Variants in PCDHGA1 observed in about 807,000 individuals in gnomAD.
PCDHGA1 encodes the protein protocadherin gamma subfamily A, 1.
In PCDHGA1, 32 loss-of-function variants were observed where a neutral mutation model predicts 58.0. The ratio of observed to expected loss-of-function variants is 0.55; its 90% confidence interval spans 0.42 to 0.74. The LOEUF (loss-of-function observed/expected upper bound fraction) is 0.74. Ranked by LOEUF, PCDHGA1 falls within the 30% of genes least tolerant of loss-of-function variation. The pLI is 0.00. For missense variants in PCDHGA1, 1,205 were observed against 1,182.3 expected, an observed-to-expected ratio of 1.02 and a Z score of -0.28; for synonymous variants, 498 against 501.1, an observed-to-expected ratio of 0.99 and a Z score of 0.08.
chr5:141,430,245 G>C (rs1000418420), intron 1 of PCDHGA1, among the ~76,000 whole-genome samples: 1 of 104,402 alleles, frequency 9.6e-6, no homozygotes, highest in African/African-American at 6.4e-5. Flanking sequence ...GAAACTCCTA[G>C]GGAGACATCT....
chr5:141,377,114 GA>G (rs1209005663), intron 1 of PCDHGA1: 4 of 152,232 alleles, frequency 2.6e-5, no homozygotes, highest in African/African-American at 9.7e-5. Flanking sequence ...AGAATGTTCT[GA>G]AGTCTTAATT....
At chr5:141,495,771 C>T (rs941051365) in intron 2 of PCDHGA1, among the ~76,000 whole-genome samples, 1 of 152,110 alleles carries the variant, frequency 6.6e-6, no homozygotes, top group Non-Finnish European at 1.5e-5. Flanking sequence ...TGTCCTTGTC[C>T]TGGACCTCTT....
chr5:141,473,476 A>G (rs1300050332), intron 1 of PCDHGA1, among the ~76,000 whole-genome samples: 15 of 151,558 alleles, frequency 9.9e-5, no homozygotes, highest in Admixed American at 9.2e-4. Context: ...GCCAAGTTCA[A>G]TGGAAAAAAT....
chr5:141,504,434 A>C (rs2099838201), intron 2 of PCDHGA1, among the ~76,000 whole-genome samples: 1 of 152,234 alleles, frequency 6.6e-6, no homozygotes, highest in South Asian at 2.1e-4. Flanking sequence ...CAACAGCTGC[A>C]GTGTGACTAG....
At position 141,356,943 on chromosome 5, in the gene PCDHGA1, C is replaced by T. The variant is rs374189449; in HGVS notation, c.2421+23838C>T. 109 of 1,614,240 alleles carry T rather than the reference C, an allele frequency of 6.8e-5. No homozygotes were observed. The African/African-American group carries it at 9.1e-4, about 13-fold the overall frequency. On this transcript the variant is annotated intron_variant, in intron 1 of 3. Transcript: ENST00000517417. ...CTGGTGTGGAGCTGGCACCCCGCTC[C>T]GCAGATTCCGGCTACCTGGTGACCA... is the stretch of plus-strand genomic sequence containing the variant.
intron 1 of PCDHGA1, among the ~76,000 whole-genome samples, chr5:141,354,849 T>C (rs950733549): frequency 4.6e-5 from 7 of 152,232 alleles, no homozygotes; most frequent in Non-Finnish European, 7.3e-5. Context: ...TCTTGAATTT[T>C]CATTGCAAAT....
intron 1 of PCDHGA1, among the ~76,000 whole-genome samples, chr5:141,483,644 G>A (rs2099584188): frequency 6.8e-6 from 1 of 146,522 alleles, no homozygotes; most frequent in African/African-American, 2.7e-5. Context: ...AGAGGGGTGT[G>A]TGTTTGTGTG....
chr5:141,341,304 C>G, intron 1 of PCDHGA1: 1 of 1,614,272 alleles, frequency 6.2e-7, no homozygotes, highest in Non-Finnish European at 8.5e-7. Flanking sequence ...TATGCGGACA[C>G]GCTCATCAGC....
Position 141,490,942 on chromosome 5 carries a change from C to T in PCDHGA1, c.2422-3865C>T, listed in dbSNP as rs371286343. On this transcript the variant is annotated intron_variant, in intron 1 of 3. Coordinates refer to ENST00000517417, the MANE Select transcript of PCDHGA1 (RefSeq NM_018912.3). This position sits in a 1 kb window ranked among gnomAD's most constrained non-coding sequence, Gnocchi z 5.4. ...TAATGCCCCAGCTGTGCTGCACCCA[C>T]GGCCAGACTGGGAACACTCAGCCCC... 8.7e-5 allele frequency: 141 copies of T among 1,613,526 alleles called. No individual in the cohort carries two copies. Among genetic ancestry groups the T allele is most frequent in the Non-Finnish European group, 1.1e-4 (126 of 1,179,768 alleles).
chr5:141,447,742 T>G (rs1440015460), intron 1 of PCDHGA1, among the ~76,000 whole-genome samples: 3 of 152,056 alleles, frequency 2.0e-5, no homozygotes, highest in Non-Finnish European at 4.4e-5. Flanking sequence ...AACTTAAGAG[T>G]CTTGCATGTG....
At chr5:141,473,228 A>T (rs549587219) in intron 1 of PCDHGA1, among the ~76,000 whole-genome samples, 1 of 152,296 alleles carries the variant, frequency 6.6e-6, no homozygotes, top group African/African-American at 2.4e-5. Context: ...GGGAGATTGG[A>T]TCCACACAAG....
rs1308930168 is a variant in PCDHGA1, at chr5:141,489,620, A to G, written c.2422-5187A>G. 2.5e-6 allele frequency: 4 copies of G among 1,614,058 alleles called. No individual in the cohort carries two copies. Among genetic ancestry groups the G allele is most frequent in the South Asian group, 2.2e-5 (2 of 91,072 alleles). The stretch of plus-strand genomic sequence containing the variant: ...GTAGAGGTAGAGATCCTGGATCTCA[A>G]TGACAACTCTCCTAGCTTTGCCACC... On this transcript the variant is annotated intron_variant, in intron 1 of 3. Transcript: ENST00000517417. This position sits in a 1 kb window ranked among gnomAD's most constrained non-coding sequence, Gnocchi z 4.5.
intron 1 of PCDHGA1, chr5:141,383,266 A>T: frequency 6.2e-7 from 1 of 1,613,948 alleles, no homozygotes. Context: ...AGACGTGGAA[A>T]TAATAGATAT....
At position 141,490,524 on chromosome 5, in the gene PCDHGA1, T is replaced by C. The variant is rs1197866164; in HGVS notation, c.2422-4283T>C. The C allele has an allele frequency of 1.2e-6, 2 of 1,613,990 alleles. No homozygotes were observed. Among genetic ancestry groups the C allele is most frequent in the Non-Finnish European group, 1.7e-6 (2 of 1,180,018 alleles). On this transcript the variant is annotated intron_variant, in intron 1 of 3. Transcript: ENST00000517417. The surrounding 1 kb of genome is among the most constrained non-coding windows in gnomAD (Gnocchi z 5.4). ...ATATCATCGAGCTGCTGGCCAGCGA[T>C]GCTGGTTCACCTTCCCTACACAAAC...
At position 141,476,387 on chromosome 5, in the gene PCDHGA1, C is replaced by T. The variant is rs147660262; in HGVS notation, c.2422-18420C>T. The T allele has an allele frequency of 6.2e-6, 10 of 1,613,958 alleles. No homozygotes were observed. Among genetic ancestry groups the T allele is most frequent in the Non-Finnish European group, 7.6e-6 (9 of 1,180,032 alleles). ...GACCGGAGAGATGTTTGTGAACGAC[C>T]GTCTGGATCGAGAGGAGCTGTGTGG... On this transcript the variant is annotated intron_variant, in intron 1 of 3. Coordinates refer to ENST00000517417, the MANE Select transcript of PCDHGA1 (RefSeq NM_018912.3). This position sits in a 1 kb window ranked among gnomAD's most constrained non-coding sequence, Gnocchi z 7.6.
rs151105903 is a variant in PCDHGA1 at position 141,419,964 on chromosome 5, T to C, written c.2422-74843T>C. ...GTGGCCTTGGCCTTGATTTCTGTGC[T>C]CTTTCTCCTCGCGGTGATTCTAGCT... On this transcript the variant is annotated intron_variant, in intron 1 of 3. Transcript: ENST00000517417. 3.7e-6 allele frequency: 6 copies of C among 1,614,082 alleles called. No individual in the cohort carries two copies. Among genetic ancestry groups the C allele is most frequent in the Non-Finnish European group, 4.2e-6 (5 of 1,179,900 alleles).
chr5:141,415,130 A>G (rs2095833213), intron 1 of PCDHGA1: 3 of 1,613,636 alleles, frequency 1.9e-6, no homozygotes, highest in South Asian at 1.1e-5. Flanking sequence ...GCCGTCCAGG[A>G]CCACGGCCAG....
At chr5:141,339,048 C>T in intron 1 of PCDHGA1, 1 of 1,610,090 alleles carries the variant, frequency 6.2e-7, no homozygotes, top group African/African-American at 1.3e-5. Flanking sequence ...CTGTGGGAGG[C>T]CAGGGCCGGG....
chr5:141,434,449 G>C (rs1392115883), intron 1 of PCDHGA1, among the ~76,000 whole-genome samples: 1 of 152,232 alleles, frequency 6.6e-6, no homozygotes, highest in Non-Finnish European at 1.5e-5. Context: ...ATGCTGGAAG[G>C]TAGTGGGTTT....
Sources: gnomAD v4.1 joint callset for allele counts (sites outside exome capture counted in the v4.1 genomes callset) on GRCh38, gnomAD v4.1.1 for gene constraint, Gnocchi (gnomAD v3.1) non-coding constraint, MANE v1.5 for transcripts, NCBI Gene and HGNC (gene_info 2026-07-23, HGNC 2026-07-21) for gene names.